Variants in RAD51B observed in about 807,000 individuals in gnomAD.
RAD51B encodes RAD51 paralog B, also known as DNA repair protein RAD51 homolog 2.
A neutral mutation model predicts 42.2 loss-of-function variants in RAD51B; 38 were observed. The ratio of observed to expected loss-of-function variants is 0.90; its 90% CI spans 0.70 to 1.18. The LOEUF is 1.18. Ranked by LOEUF, RAD51B falls within the 50% of genes most tolerant of loss-of-function variation. The pLI is 0.00. For missense variants in RAD51B, 373 were observed against 400.7 expected, an observed-to-expected ratio of 0.93 and a Z score of 0.59; for synonymous variants, 154 against 145.2, an observed-to-expected ratio of 1.06 and a Z score of -0.43.
At chr14:67,877,578 G>C (rs2140029111) in intron 5 of RAD51B, among the ~76,000 whole-genome samples, 1 of 152,224 alleles carries the variant, frequency 6.6e-6, no homozygotes, top group East Asian at 1.9e-4. Context: ...GTGTCTTCTA[G>C]ATATTGTTTG....
intron 7 of RAD51B, among the ~76,000 whole-genome samples, chr14:67,933,244 A>C (rs2044806488): frequency 1.3e-5 from 2 of 152,132 alleles, no homozygotes; most frequent in Admixed American, 1.3e-4. Context: ...GGGCTAGAAT[A>C]CTGGGGACCC....
rs141153731 is a variant in RAD51B, at chr14:68,137,735, A to G, written c.757-154149A>G. On this transcript the variant is annotated intron_variant, in intron 7 of 10. Coordinates refer to ENST00000471583, the MANE Select transcript of RAD51B (RefSeq NM_133510.4). ...TGCAATTGCTGAGGGTTTTCTGAGA[A>G]GGTGAACAAGAGCAGTCTATTTCAA... is the stretch of plus-strand genomic sequence containing the variant. Among the ~76,000 whole-genome samples the G allele has an allele frequency of 7.9e-5, 12 of 152,370 alleles. No individual in the cohort carries two copies. The East Asian group carries it at 2.3e-3, about 29-fold the overall frequency.
chr14:67,994,868 A>G (rs372184089), intron 7 of RAD51B, among the ~76,000 whole-genome samples: 1 of 152,246 alleles, frequency 6.6e-6, no homozygotes, highest in African/African-American at 2.4e-5. Context: ...AAGCAACCCA[A>G]ATGTCATCAG....
chr14:67,887,360 G>T (rs564790167), intron 7 of RAD51B, 156 bp downstream of exon 7: 294 of 532,620 alleles, frequency 5.5e-4, no homozygotes, highest in African/African-American at 5.4e-3. Context: ...AGCAAACATC[G>T]CCATCATCTT....
intron 7 of RAD51B, among the ~76,000 whole-genome samples, chr14:68,075,018 A>C (rs570745433): frequency 6.6e-6 from 1 of 152,132 alleles, no homozygotes; most frequent in East Asian, 1.9e-4. Flanking sequence ...GTAGCCCTGG[A>C]TGGAGCTCAG....
At chr14:68,304,304 G>T (rs1367710614) in intron 8 of RAD51B, among the ~76,000 whole-genome samples, 1 of 152,164 alleles carries the variant, frequency 6.6e-6, no homozygotes, top group East Asian at 1.9e-4. Flanking sequence ...AACTTAGTGG[G>T]GTTCAATTAT....
intron 7 of RAD51B, among the ~76,000 whole-genome samples, chr14:68,132,965 T>G (rs2077927389): frequency 6.6e-6 from 1 of 152,176 alleles, no homozygotes; most frequent in Non-Finnish European, 1.5e-5. Flanking sequence ...TTGGTTCCAG[T>G]GCCTTCTCTG....
At chr14:67,910,186 C>T (rs927267106) in intron 7 of RAD51B, among the ~76,000 whole-genome samples, 14 of 152,010 alleles carry the variant, frequency 9.2e-5, no homozygotes, top group Middle Eastern at 3.4e-3. Flanking sequence ...GCTGCGTATA[C>T]GAATATAGCC....
intron 10 of RAD51B, among the ~76,000 whole-genome samples, chr14:68,548,269 C>A (rs987848679): frequency 6.6e-6 from 1 of 152,214 alleles, no homozygotes; most frequent in Admixed American, 6.5e-5. Context: ...CCTCACTCTC[C>A]CGCTGTGGCT....
intron 8 of RAD51B, among the ~76,000 whole-genome samples, chr14:68,361,862 G>A (rs1445150326): frequency 6.6e-6 from 1 of 152,118 alleles, no homozygotes; most frequent in African/African-American, 2.4e-5. Flanking sequence ...TTTTAGTAGA[G>A]ATAGGGTTTT....
At chr14:68,030,604 G>C (rs2076026280) in intron 7 of RAD51B, among the ~76,000 whole-genome samples, 1 of 152,142 alleles carries the variant, frequency 6.6e-6, no homozygotes, top group African/African-American at 2.4e-5. Context: ...GTTGTGGCTG[G>C]TTTCATCCTC....
intron 8 of RAD51B, among the ~76,000 whole-genome samples, chr14:68,389,896 G>T (rs978372547): frequency 1.3e-5 from 2 of 152,128 alleles, no homozygotes; most frequent in Non-Finnish European, 2.9e-5. Context: ...GTTTCTCAAT[G>T]AATCTTCTAA....
At chr14:67,824,844 C>T (rs571163162) in intron 2 of RAD51B, among the ~76,000 whole-genome samples, 6 of 151,352 alleles carry the variant, frequency 4.0e-5, no homozygotes, top group South Asian at 4.2e-4. Context: ...TTTGGGAGGC[C>T]GAGGTGGGCA....
intron 10 of RAD51B, among the ~76,000 whole-genome samples, chr14:68,604,804 G>A (rs150281866): frequency 6.2e-5 from 7 of 113,386 alleles, no homozygotes; most frequent in African/African-American, 1.8e-4. Context: ...TGTATTCTGG[G>A]AGCCTAGCAC....
chr14:67,936,875 C>G (rs969802722), intron 7 of RAD51B, among the ~76,000 whole-genome samples: 1 of 152,108 alleles, frequency 6.6e-6, no homozygotes, highest in East Asian at 1.9e-4. Flanking sequence ...ATTTGTATAT[C>G]TCTTTTGGAG....
exon 11 of RAD51B, chr14:68,594,681 A>T: frequency 7.9e-7 from 1 of 1,273,310 alleles, no homozygotes; most frequent in Non-Finnish European, 1.0e-6. Flanking sequence ...CACCCACCTC[A>T]GCCTCCCAAA....
At chr14:68,187,169 A>G (rs771620955) in intron 7 of RAD51B, among the ~76,000 whole-genome samples, 7 of 152,242 alleles carry the variant, frequency 4.6e-5, no homozygotes, top group Non-Finnish European at 7.3e-5. Context: ...ACTCAAGAAC[A>G]TAAAGATGGC....
intron 10 of RAD51B, among the ~76,000 whole-genome samples, chr14:68,509,286 G>A (rs774943166): frequency 6.6e-6 from 1 of 152,226 alleles, no homozygotes; most frequent in Non-Finnish European, 1.5e-5. Context: ...ACGTAAGGGA[G>A]CATTGCCATG....
At chr14:68,030,978 C>T (rs867207546) in intron 7 of RAD51B, among the ~76,000 whole-genome samples, 5 of 152,168 alleles carry the variant, frequency 3.3e-5, no homozygotes, top group African/African-American at 4.8e-5. Context: ...AGTCAGAACT[C>T]GCACAACATT....
Sources: allele counts gnomAD v4.1 joint callset (sites outside exome capture counted in the v4.1 genomes callset), GRCh38; gene constraint gnomAD v4.1.1; transcripts MANE v1.5; gene names NCBI Gene and HGNC (gene_info 2026-07-23, HGNC 2026-07-21).